BAIAP2: variants seen among roughly 807,000 people sequenced by gnomAD.
BAIAP2 encodes BAR/IMD domain-containing adapter protein 2.
BAIAP2 carries 18 observed loss-of-function variants against 63.0 expected under a neutral mutation model. The ratio of observed to expected loss-of-function variants is 0.29; its 90% CI spans 0.20 to 0.42. The LOEUF (loss-of-function observed/expected upper bound fraction) is 0.42, where lower values mean the gene tolerates loss of function less well. BAIAP2 is among the 10% of genes least tolerant of loss of function. The pLI is 1.00. For synonymous variants in BAIAP2, 386 were observed against 307.6 expected, an observed-to-expected ratio of 1.25 and a Z score of -2.67; for missense variants, 610 against 734.3, an observed-to-expected ratio of 0.83 and a Z score of 1.96.
At chr17:81,053,477 A>G in intron 1 of BAIAP2, 191 bp from the exon 2 acceptor site, 1 of 622,580 alleles carries the variant, frequency 1.6e-6, no homozygotes, top group South Asian at 1.9e-5. Context: ...AGGCTCAGGA[A>G]GGTCATTTTC....
intron 3 of BAIAP2, among the ~76,000 whole-genome samples, chr17:81,060,634 G>A (rs1040252083): frequency 6.6e-6 from 1 of 152,142 alleles, no homozygotes; most frequent in Non-Finnish European, 1.5e-5. Flanking sequence ...CATCTCTCCT[G>A]GGCATGCACC....
Position 81,046,986 on chromosome 17 carries a change from T to C in BAIAP2, c.55-6682T>C, listed in dbSNP as rs2143807419. 6.6e-6 allele frequency among the ~76,000 whole-genome samples: 1 copy of C among 152,042 alleles called. No individual in the cohort carries two copies. Among genetic ancestry groups the C allele is most frequent in the South Asian group, 2.1e-4 (1 of 4,806 alleles). ...CTGCCTGTCGCGACAGAGGTGGAAGTGAGGGCGGTGGTCCAGTGGGCAACA... is the reference window on the plus strand; with the variant it reads ...CTGCCTGTCGCGACAGAGGTGGAAGCGAGGGCGGTGGTCCAGTGGGCAACA... On this transcript the variant is annotated intron_variant, in intron 1 of 13. Coordinates refer to ENST00000428708, the MANE Select transcript of BAIAP2 (RefSeq NM_001144888.2). The surrounding 1 kb of genome is among the most constrained non-coding windows in gnomAD (Gnocchi z 4.5).
In BAIAP2 at chr17:81,046,780, C is replaced by T. The variant is rs920283627; in HGVS notation, c.55-6888C>T. Reference sequence around the variant, plus strand: ...GGGGTTTCCAGGCTTGGCTCTGTCCCGTGCGCCCTTCCCTGGAGCCTGGCA... The same window carrying T: ...GGGGTTTCCAGGCTTGGCTCTGTCCTGTGCGCCCTTCCCTGGAGCCTGGCA... On this transcript the variant is annotated intron_variant, in intron 1 of 13. Coordinates refer to ENST00000428708, the MANE Select transcript of BAIAP2 (RefSeq NM_001144888.2). The surrounding 1 kb of genome is among the most constrained non-coding windows in gnomAD (Gnocchi z 4.5). Among the ~76,000 whole-genome samples, 3 of 152,184 alleles carry T rather than the reference C, an allele frequency of 2.0e-5. No individual in the cohort carries two copies. The highest frequency in any genetic ancestry group is 2.9e-5 in the Non-Finnish European group (2 of 68,022).
intron 2 of BAIAP2, chr17:81,056,445 G>C (rs946681309): frequency 5.3e-5 from 8 of 152,250 alleles, no homozygotes; most frequent in Non-Finnish European, 8.8e-5. Flanking sequence ...ATCTACGGTA[G>C]AGTCTTCCGT....
chr17:81,047,698 G>T (rs1457691520), intron 1 of BAIAP2, among the ~76,000 whole-genome samples: 1 of 145,326 alleles, frequency 6.9e-6, no homozygotes, highest in African/African-American at 2.6e-5. Flanking sequence ...CACAGCACAC[G>T]CACGGGTCCA....
At chr17:81,085,591 T>C in intron 4 of BAIAP2, 63 bp from the exon 5 acceptor site, 1 of 1,419,788 alleles carries the variant, frequency 7.0e-7, no homozygotes, top group Non-Finnish European at 9.9e-7. Flanking sequence ...AGCCCTGCCC[T>C]GCCTCCTGTT....
At position 81,060,248 on chromosome 17, in the gene BAIAP2, A is replaced by G. The variant is rs72634320; in HGVS notation, c.217+2281A>G. Among the ~76,000 whole-genome samples, 214 of 152,292 alleles carry G rather than the reference A, an allele frequency of 1.4e-3. 3 individuals are homozygous for G. The East Asian group carries it at 0.039, about 28-fold the overall frequency. ...CAGTTCTGTGGCTTAGTGTATTTAC[A>G]GTGTGCAACCATTGCCCCATCTAAC... is the stretch of plus-strand genomic sequence containing the variant. On this transcript the variant is annotated intron_variant, in intron 3 of 13. Coordinates refer to ENST00000428708, the MANE Select transcript of BAIAP2 (RefSeq NM_001144888.2).
At chr17:81,112,659 C>G (rs554210554) in intron 13 of BAIAP2, among the ~76,000 whole-genome samples, 1 of 152,244 alleles carries the variant, frequency 6.6e-6, no homozygotes, top group Non-Finnish European at 1.5e-5. Context: ...TGCTGTCCGC[C>G]CGGCTCTGGG....
intron 3 of BAIAP2, among the ~76,000 whole-genome samples, chr17:81,064,780 C>T (rs992114117): frequency 6.6e-6 from 1 of 151,964 alleles, no homozygotes; most frequent in Non-Finnish European, 1.5e-5. Context: ...ACCTCACAGA[C>T]GGAAGGGCCT....
chr17:81,068,732 A>G (rs2051989984), intron 3 of BAIAP2, among the ~76,000 whole-genome samples: 1 of 152,104 alleles, frequency 6.6e-6, no homozygotes, highest in Non-Finnish European at 1.5e-5. Context: ...TGGTTGTGAC[A>G]TGAAGTCCTG....
intron 13 of BAIAP2, among the ~76,000 whole-genome samples, chr17:81,111,292 C>T (rs1331569576): frequency 5.9e-5 from 9 of 152,384 alleles, no homozygotes; most frequent in East Asian, 3.9e-4. Context: ...AGGGTGACCC[C>T]GGCAAGCAGC....
chr17:81,093,502 G>T (rs934805665), intron 6 of BAIAP2, among the ~76,000 whole-genome samples: 5 of 152,078 alleles, frequency 3.3e-5, no homozygotes, highest in African/African-American at 1.2e-4. Flanking sequence ...TCGCTGGCCG[G>T]TCGTGAGTGA....
intron 3 of BAIAP2, among the ~76,000 whole-genome samples, chr17:81,080,936 C>A (rs915942013): frequency 3.3e-5 from 5 of 152,248 alleles, no homozygotes; most frequent in Non-Finnish European, 7.3e-5. Flanking sequence ...TCTTTGTGAA[C>A]TTGCTGGCCC....
intron 13 of BAIAP2, among the ~76,000 whole-genome samples, chr17:81,114,088 C>A (rs903300801): frequency 1.3e-5 from 2 of 151,612 alleles, no homozygotes; most frequent in African/African-American, 4.9e-5. Context: ...CTTCAGCCCC[C>A]CATGGAGCTG....
intron 1 of BAIAP2, among the ~76,000 whole-genome samples, chr17:81,043,135 G>C (rs2047317032): frequency 6.6e-6 from 1 of 152,196 alleles, no homozygotes; most frequent in Non-Finnish European, 1.5e-5. Context: ...CCAGAGTGCT[G>C]GGATTACAGG....
intron 1 of BAIAP2, among the ~76,000 whole-genome samples, chr17:81,045,934 C>T (rs887344437): frequency 1.3e-5 from 2 of 152,186 alleles, no homozygotes; most frequent in Non-Finnish European, 2.9e-5. Context: ...CTCTTCCTGC[C>T]TCCAGAGAGG....
intron 6 of BAIAP2, among the ~76,000 whole-genome samples, chr17:81,090,385 C>T (rs1340522912): frequency 6.6e-6 from 1 of 152,262 alleles, no homozygotes; most frequent in Non-Finnish European, 1.5e-5. Flanking sequence ...CCATCCGCCT[C>T]CTTCCTCTGT....
rs2049384045 is a variant in BAIAP2 at position 81,055,574 on chromosome 17, G to GTTTTTTTTTGTTTT, written c.130+1841_130+1842insTTTTTTTTTTTTTG. On this transcript the variant is annotated intron_variant, in intron 2 of 13. Transcript: ENST00000428708. Reference sequence around the variant, plus strand: ...CCAGCGAAAGTCTGCAGGGTGTTTTGTTTTTTTTTGAGACGGAGTCTCACT... The same window carrying GTTTTTTTTTGTTTT: ...CCAGCGAAAGTCTGCAGGGTGTTTTGTTTTTTTTTGTTTTTTTTTTTTTGAGACGGAGTCTCACT... Among the ~76,000 whole-genome samples, 922 of 123,028 alleles carry GTTTTTTTTTGTTTT rather than the reference G, an allele frequency of 7.5e-3. 16 individuals are homozygous for GTTTTTTTTTGTTTT. Among genetic ancestry groups the GTTTTTTTTTGTTTT allele is most frequent in the African/African-American group, 0.011 (373 of 34,798 alleles). The allele number at this position is 123,028 out of a possible 152,430, so 80.7% of individuals were successfully genotyped here.
In BAIAP2 at chr17:81,115,322, G is replaced by A. The variant is rs561662520; in HGVS notation, c.1536-448G>A. Among the ~76,000 whole-genome samples, 3 of 152,352 alleles carry A rather than the reference G, an allele frequency of 2.0e-5. No homozygotes were observed. The South Asian group carries it at 6.2e-4, about 32-fold the overall frequency. ...CTGGATGCCCCCATGCCAGGGCTGG[G>A]CTGGACGCTCTGCCACGCTGTGTCC... On this transcript the variant is annotated intron_variant, in intron 13 of 13. Transcript: ENST00000428708.
Sources: gnomAD v4.1 joint callset for allele counts (sites outside exome capture counted in the v4.1 genomes callset) on GRCh38, gnomAD v4.1.1 for gene constraint, Gnocchi (gnomAD v3.1) non-coding constraint, MANE v1.5 for transcripts, NCBI Gene and HGNC (gene_info 2026-07-23, HGNC 2026-07-21) for gene names.